The following SORCS3 variants were observed in gnomAD, a reference collection of about 807,000 sequenced individuals.
SORCS3 encodes VPS10 domain-containing receptor SorCS3.
Under a neutral mutation model 146.3 loss-of-function variants are expected in SORCS3, and 57 were observed. The observed-to-expected ratio is 0.39, with a 90% CI of 0.31 to 0.49. The LOEUF (loss-of-function observed/expected upper bound fraction) is 0.49. Among genes scored for constraint, SORCS3 ranks in the 20% least tolerant of loss-of-function variants. The probability of loss-of-function intolerance (pLI) is 0.92; values close to 1 mark genes in which losing one functional copy is unlikely to be tolerated. For synonymous variants in SORCS3, 653 were observed against 618.5 expected (o/e 1.06, Z -0.83); for missense variants, 1,341 against 1,575.5 (o/e 0.85, Z 2.52).
intron 5 of SORCS3, among the ~76,000 whole-genome samples, chr10:105,046,773 T>A (rs2055375369): frequency 6.6e-6 from 1 of 152,026 alleles, no homozygotes; most frequent in African/African-American, 2.4e-5. Context: ...CAGCCATCAA[T>A]CTCAGGCTAC....
intron 1 of SORCS3, among the ~76,000 whole-genome samples, chr10:104,775,098 T>C (rs2017293819): frequency 6.6e-6 from 1 of 152,214 alleles, no homozygotes; most frequent in South Asian, 2.1e-4. Flanking sequence ...CAAGCATTTA[T>C]TGAGTGTTCA....
At position 105,024,268 on chromosome 10, in the gene SORCS3, C is replaced by A. The variant is rs116760857; in HGVS notation, c.955-18787C>A. Among the ~76,000 whole-genome samples, 458 of 152,242 alleles carry A rather than the reference C, an allele frequency of 3.0e-3. 4 individuals are homozygous for A. The highest frequency in any genetic ancestry group is 0.01 in the African/African-American group (434 of 41,548). ...GACCCTACTGTGCTTTTGTGAGTGT[C>A]CTTACTGGTTTTCCTCAAAAGGTGG... On this transcript the variant is annotated intron_variant, in intron 4 of 26. Coordinates refer to ENST00000369701, the MANE Select transcript of SORCS3 (RefSeq NM_014978.3).
At chr10:105,058,014 C>G (rs1247982298) in intron 5 of SORCS3, among the ~76,000 whole-genome samples, 2 of 152,190 alleles carry the variant, frequency 1.3e-5, no homozygotes, top group South Asian at 4.1e-4. Context: ...CCTCTCATCT[C>G]CCCGCTGGAC....
At chr10:104,699,250 C>G (rs1311683078) in intron 1 of SORCS3, among the ~76,000 whole-genome samples, 1 of 152,158 alleles carries the variant, frequency 6.6e-6, no homozygotes, top group Non-Finnish European at 1.5e-5. Flanking sequence ...ATTGCTATGT[C>G]ATCACCATCA....
At chr10:104,897,765 T>C (rs1383226032) in intron 2 of SORCS3, among the ~76,000 whole-genome samples, 1 of 152,194 alleles carries the variant, frequency 6.6e-6, no homozygotes, top group Admixed American at 6.5e-5. Flanking sequence ...GAAGCAGTTG[T>C]TGGGTGGTCC....
At chr10:105,261,933 T>C (rs2056963109) in intron 25 of SORCS3, among the ~76,000 whole-genome samples, 1 of 152,234 alleles carries the variant, frequency 6.6e-6, no homozygotes, top group South Asian at 2.1e-4. Flanking sequence ...GTGGATTGAT[T>C]AAATTGATGC....
chr10:105,023,846 A>C (rs538490113), intron 4 of SORCS3, among the ~76,000 whole-genome samples: 1 of 152,218 alleles, frequency 6.6e-6, no homozygotes, highest in African/African-American at 2.4e-5. Context: ...ATAAATGCTA[A>C]GTTTCCTGGC....
intron 4 of SORCS3, among the ~76,000 whole-genome samples, chr10:104,977,837 T>C (rs1413749695): frequency 1.3e-5 from 2 of 151,124 alleles, no homozygotes; most frequent in Admixed American, 6.6e-5. Flanking sequence ...GTTCAAGCGA[T>C]TCTCCTGCCT....
chr10:105,197,988 G>A (rs945633541), intron 14 of SORCS3, among the ~76,000 whole-genome samples: 2 of 152,080 alleles, frequency 1.3e-5, no homozygotes, highest in African/African-American at 4.8e-5. Flanking sequence ...CTCCCTCTTG[G>A]TTGATTTTAA....
chr10:104,931,895 C>T (rs1025347867), intron 3 of SORCS3, among the ~76,000 whole-genome samples: 1 of 152,194 alleles, frequency 6.6e-6, no homozygotes, highest in African/African-American at 2.4e-5. Flanking sequence ...GGTCTTTGGC[C>T]TGAACCTCAA....
chr10:105,190,914 C>A (rs1211919616), intron 14 of SORCS3, among the ~76,000 whole-genome samples: 1 of 152,140 alleles, frequency 6.6e-6, no homozygotes, highest in Non-Finnish European at 1.5e-5. Flanking sequence ...TTATAGCAAT[C>A]ACTATAAAAT....
chr10:104,862,477 T>C (rs1166307421), intron 2 of SORCS3, among the ~76,000 whole-genome samples: 3 of 152,222 alleles, frequency 2.0e-5, no homozygotes, highest in Non-Finnish European at 4.4e-5. Flanking sequence ...GTTTCACAAG[T>C]TTATTATAAA....
At chr10:105,087,803 A>C (rs2055673574) in intron 5 of SORCS3, among the ~76,000 whole-genome samples, 1 of 152,228 alleles carries the variant, frequency 6.6e-6, no homozygotes, top group Admixed American at 6.5e-5. Context: ...GTGCTGTGCA[A>C]AGCAGTGGTC....
chr10:104,813,812 A>G (rs1399343071), intron 1 of SORCS3, among the ~76,000 whole-genome samples: 1 of 152,230 alleles, frequency 6.6e-6, no homozygotes, highest in Non-Finnish European at 1.5e-5. Flanking sequence ...TTTGAGAAAA[A>G]AAAAATTTCT....
chr10:104,893,960 A>G (rs1213889788), intron 2 of SORCS3, among the ~76,000 whole-genome samples: 1 of 152,094 alleles, frequency 6.6e-6, no homozygotes, highest in Non-Finnish European at 1.5e-5. Context: ...AATTCATTTC[A>G]TTGTTTAGCT....
At chr10:104,948,771 C>T (rs1179100211) in intron 3 of SORCS3, among the ~76,000 whole-genome samples, 1 of 152,200 alleles carries the variant, frequency 6.6e-6, no homozygotes, top group Non-Finnish European at 1.5e-5. Context: ...GGTCAGATTA[C>T]TCCACATCCA....
At chr10:104,807,036 T>G (rs918384672) in intron 1 of SORCS3, among the ~76,000 whole-genome samples, 2 of 151,968 alleles carry the variant, frequency 1.3e-5, no homozygotes, top group Non-Finnish European at 2.9e-5. Context: ...CATCCTAATG[T>G]AGCCCAAATG....
chr10:105,186,300 G>A (rs1206251274), intron 14 of SORCS3, among the ~76,000 whole-genome samples: 1 of 152,122 alleles, frequency 6.6e-6, no homozygotes, highest in Non-Finnish European at 1.5e-5. Flanking sequence ...TATTTGTTCT[G>A]TAAGATTGAG....
At chr10:104,868,705 C>G (rs1244045484) in intron 2 of SORCS3, among the ~76,000 whole-genome samples, 1 of 152,220 alleles carries the variant, frequency 6.6e-6, no homozygotes, top group East Asian at 1.9e-4. Context: ...TAGACACCTT[C>G]AAGTCATTTA....
Sources: allele counts gnomAD v4.1 joint callset (sites outside exome capture counted in the v4.1 genomes callset), GRCh38; gene constraint gnomAD v4.1.1; transcripts MANE v1.5; gene names NCBI Gene and HGNC (gene_info 2026-07-23, HGNC 2026-07-21).